The following DSCAML1 variants were observed in gnomAD, a reference collection of about 807,000 sequenced individuals.
DSCAML1 encodes the protein DS cell adhesion molecule like 1.
In DSCAML1, 38 loss-of-function variants were observed where a neutral mutation model predicts 200.5. That is an observed-to-expected ratio of 0.19 (90% CI 0.15 to 0.25). DSCAML1 has a LOEUF of 0.25. Among genes scored for constraint, DSCAML1 ranks in the 10% least tolerant of loss-of-function variants. DSCAML1 has a pLI of 1.00. For synonymous variants in DSCAML1, 1,215 were observed against 1,165.0 expected (o/e 1.04, Z -0.87); for missense variants, 2,223 against 2,858.8 (o/e 0.78, Z 5.07).
intron 3 of DSCAML1, among the ~76,000 whole-genome samples, chr11:117,656,138 T>C (rs2052729959): frequency 6.6e-6 from 1 of 152,196 alleles, no homozygotes; most frequent in South Asian, 2.1e-4. Context: ...CTCGGGAAGC[T>C]GAGGCAGGAG....
chr11:117,722,381 G>T (rs1007314877), intron 3 of DSCAML1, among the ~76,000 whole-genome samples: 1 of 151,996 alleles, frequency 6.6e-6, no homozygotes, highest in Non-Finnish European at 1.5e-5. Context: ...GGAAAGATAA[G>T]GGGGAGGGGA....
intron 3 of DSCAML1, among the ~76,000 whole-genome samples, chr11:117,635,304 T>A (rs1470426483): frequency 2.0e-5 from 3 of 152,122 alleles, no homozygotes; most frequent in African/African-American, 7.2e-5. Flanking sequence ...GCAAATTCAG[T>A]TTTACCATTT....
intron 1 of DSCAML1, among the ~76,000 whole-genome samples, chr11:117,789,827 CTCTG>C (rs143286135): frequency 1.7e-3 from 252 of 152,288 alleles, no homozygotes; most frequent in African/African-American, 5.6e-3. Context: ...TAAGGATGAG[CTCTG>C]TAATAGTCAG....
At chr11:117,487,568 C>T (rs578059157) in intron 11 of DSCAML1, among the ~76,000 whole-genome samples, 104 of 152,254 alleles carry the variant, frequency 6.8e-4, no homozygotes, top group Non-Finnish European at 1.2e-3. Flanking sequence ...GTGGGCGGCC[C>T]GGTATCACTG....
intron 14 of DSCAML1, among the ~76,000 whole-genome samples, chr11:117,472,588 T>C (rs2048707698): frequency 1.3e-5 from 2 of 152,148 alleles, no homozygotes. Context: ...GAGTCCCCAG[T>C]CCAAACCCTA....
At chr11:117,665,276 G>A (rs1455313300) in intron 3 of DSCAML1, among the ~76,000 whole-genome samples, 3 of 152,198 alleles carry the variant, frequency 2.0e-5, no homozygotes, top group East Asian at 1.9e-4. Flanking sequence ...ACTGGAAGTC[G>A]GCTCGTACGA....
chr11:117,784,979 C>T (rs997824480), intron 1 of DSCAML1, among the ~76,000 whole-genome samples: 1 of 152,210 alleles, frequency 6.6e-6, no homozygotes, highest in Admixed American at 6.5e-5. Flanking sequence ...TGCAGCTCTG[C>T]AGAATTCCAA....
chr11:117,623,192 T>C (rs945429050), intron 3 of DSCAML1, among the ~76,000 whole-genome samples: 4 of 149,948 alleles, frequency 2.7e-5, no homozygotes, highest in African/African-American at 9.8e-5. Flanking sequence ...GCTAAACTCT[T>C]TTTTTTCTTT....
intron 14 of DSCAML1, among the ~76,000 whole-genome samples, chr11:117,479,841 G>T (rs988077704): frequency 3.3e-5 from 5 of 152,108 alleles, no homozygotes; most frequent in African/African-American, 7.2e-5. Context: ...TAGAGATGGG[G>T]TTCGCCATGT....
intron 3 of DSCAML1, among the ~76,000 whole-genome samples, chr11:117,597,828 C>T (rs2051390999): frequency 6.6e-6 from 1 of 152,006 alleles, no homozygotes; most frequent in South Asian, 2.1e-4. Flanking sequence ...CCTTCCCTAA[C>T]TTGGAAAGAA....
intron 3 of DSCAML1, among the ~76,000 whole-genome samples, chr11:117,705,818 G>A (rs1169373962): frequency 6.6e-6 from 1 of 152,202 alleles, no homozygotes; most frequent in African/African-American, 2.4e-5. Flanking sequence ...AGTGTGCTAG[G>A]CTGGGAAGTG....
At chr11:117,610,964 G>A (rs985876290) in intron 3 of DSCAML1, 14 of 151,754 alleles carry the variant, frequency 9.2e-5, no homozygotes, top group African/African-American at 3.1e-4. Context: ...CATTCCCAGC[G>A]TTTCTATATC....
intron 3 of DSCAML1, among the ~76,000 whole-genome samples, chr11:117,641,241 G>T (rs1307571216): frequency 2.6e-5 from 4 of 152,314 alleles, no homozygotes; most frequent in Admixed American, 2.0e-4. Flanking sequence ...CAGATCGCTG[G>T]GTGCCACCTT....
intron 1 of DSCAML1, among the ~76,000 whole-genome samples, chr11:117,809,740 G>A (rs962416360): frequency 1.3e-5 from 2 of 152,088 alleles, no homozygotes; most frequent in Non-Finnish European, 2.9e-5. Context: ...GCCGCGCAGC[G>A]CTCCAGATGC....
Position 117,428,409 on chromosome 11 carries a change from A to G in DSCAML1, c.6081T>C (p.Leu2027=). 1 of 1,568,294 alleles carries G rather than the reference A, an allele frequency of 6.4e-7. No homozygotes were observed. Among genetic ancestry groups the G allele is most frequent in the Non-Finnish European group, 8.6e-7 (1 of 1,161,716 alleles). ...HTKMGGSRDS[L]LEMSTSGVGR... The stretch of plus-strand genomic sequence containing the variant: ...CTACCCCCGATGTGCTCATCTCGAG[A>G]AGCGAGTCCCTGGAGCCCCCCATTT... The change falls in exon 33 of 33, where the codon CTT becomes CTC. Residue 2027 remains leucine (L), a synonymous_variant. Coordinates refer to ENST00000651296, the MANE Select transcript of DSCAML1 (RefSeq NM_020693.4).
intron 3 of DSCAML1, among the ~76,000 whole-genome samples, chr11:117,542,556 C>G (rs2050292670): frequency 6.6e-6 from 1 of 152,208 alleles, no homozygotes; most frequent in Non-Finnish European, 1.5e-5. Context: ...CTCCCCAACT[C>G]TTTTAGGTAC....
chr11:117,605,292 C>T lies in DSCAML1; in HGVS notation c.512-72770G>A, dbSNP rs562751716. On this transcript the variant is annotated intron_variant, in intron 3 of 32. Coordinates refer to ENST00000651296, the MANE Select transcript of DSCAML1 (RefSeq NM_020693.4). ...TCTGACACACATTTCCCAGAGTCACCGATGAGACTGGAAAGATGGGGTTGA... is the reference window on the plus strand; with the variant it reads ...TCTGACACACATTTCCCAGAGTCACTGATGAGACTGGAAAGATGGGGTTGA... Among the ~76,000 whole-genome samples, 193 of 152,200 alleles carry T rather than the reference C, an allele frequency of 1.3e-3. 4 individuals carry two copies. The South Asian group carries it at 0.021, about 16-fold the overall frequency.
chr11:117,484,767 G>T (rs2049003378), intron 11 of DSCAML1, among the ~76,000 whole-genome samples: 1 of 152,338 alleles, frequency 6.6e-6, no homozygotes, highest in African/African-American at 2.4e-5. Flanking sequence ...GGGTGTCGGG[G>T]AGGCTCGTAA....
At chr11:117,572,558 C>T (rs930342714) in intron 3 of DSCAML1, among the ~76,000 whole-genome samples, 1 of 152,152 alleles carries the variant, frequency 6.6e-6, no homozygotes, top group Non-Finnish European at 1.5e-5. Flanking sequence ...GTGTATCCTC[C>T]GGTCACACCA....
Sources: gnomAD v4.1 joint callset for allele counts (sites outside exome capture counted in the v4.1 genomes callset) on GRCh38, gnomAD v4.1.1 for gene constraint, MANE v1.5 for transcripts, NCBI Gene and HGNC (gene_info 2026-07-23, HGNC 2026-07-21) for gene names.